The following KAZN variants were observed in gnomAD, a reference collection of about 807,000 sequenced individuals.
KAZN encodes the protein kazrin, periplakin interacting protein.
KAZN carries 40 observed loss-of-function variants against 87.4 expected under a neutral mutation model. The observed-to-expected ratio is 0.46, with a 90% CI of 0.36 to 0.60. The LOEUF (loss-of-function observed/expected upper bound fraction) is 0.60, where lower values mean the gene tolerates loss of function less well. Among genes scored for constraint, KAZN ranks in the 20% least tolerant of loss-of-function variants. The probability of loss-of-function intolerance (pLI) is 0.00; values close to 1 mark genes in which losing one functional copy is unlikely to be tolerated. For missense variants in KAZN, 898 were observed against 1,073.9 expected (o/e 0.84, Z 2.29); for synonymous variants, 466 against 458.3 (o/e 1.02, Z -0.22).
intron 1 of KAZN, among the ~76,000 whole-genome samples, chr1:14,675,046 C>T (rs1572194372): frequency 1.3e-5 from 2 of 152,190 alleles, no homozygotes; most frequent in Admixed American, 6.5e-5. Flanking sequence ...TCCCTCACTC[C>T]GAGGTGCCCT....
chr1:14,533,200 G>A (rs1672308563), intron 2 of KAZN, among the ~76,000 whole-genome samples: 1 of 152,126 alleles, frequency 6.6e-6, no homozygotes, highest in South Asian at 2.1e-4. Flanking sequence ...ATTGCCCAGA[G>A]CATTTCACAC....
At chr1:14,608,609 C>A (rs969003600) in intron 1 of KAZN, among the ~76,000 whole-genome samples, 1 of 152,050 alleles carries the variant, frequency 6.6e-6, no homozygotes, top group Non-Finnish European at 1.5e-5. Context: ...ACCTTCTCCC[C>A]CAGAGAAAGA....
chr1:14,586,272 C>T (rs545696052), intron 2 of KAZN, among the ~76,000 whole-genome samples: 1 of 152,308 alleles, frequency 6.6e-6, no homozygotes, highest in East Asian at 1.9e-4. Context: ...AGAAGTAGAG[C>T]TGGTCTGTTT....
intron 1 of KAZN, among the ~76,000 whole-genome samples, chr1:14,803,832 G>T (rs1646119619): frequency 1.3e-5 from 2 of 152,230 alleles, no homozygotes; most frequent in Non-Finnish European, 2.9e-5. Context: ...CAGGAGCCTT[G>T]GTGGCCTTCC....
intron 1 of KAZN, among the ~76,000 whole-genome samples, chr1:14,050,621 T>G (rs1642288075): frequency 6.6e-6 from 1 of 152,084 alleles, no homozygotes; most frequent in Non-Finnish European, 1.5e-5. Context: ...TCCAATCACT[T>G]CCCTCCCTCG....
Position 14,979,537 on chromosome 1 carries a change from G to A in KAZN, c.418+18662G>A, listed in dbSNP as rs567449538. Among the ~76,000 whole-genome samples the A allele has an allele frequency of 4.6e-5, 7 of 152,184 alleles. No homozygotes were observed. In the South Asian group the frequency reaches 8.3e-4, roughly 18 times the overall value. On this transcript the variant is annotated intron_variant, in intron 2 of 14. Transcript: ENST00000376030. ...GCTATGGGTCCCCCTCCCCGCCAACGCACCTGGTCTTTTTCTGGAATTCAA... is the reference window on the plus strand; with the variant it reads ...GCTATGGGTCCCCCTCCCCGCCAACACACCTGGTCTTTTTCTGGAATTCAA...
chr1:14,811,664 C>T (rs1468355240), intron 1 of KAZN, among the ~76,000 whole-genome samples: 2 of 152,162 alleles, frequency 1.3e-5, no homozygotes, highest in African/African-American at 4.8e-5. Context: ...TTCTAAAGCA[C>T]ACGTTGTTCT....
chr1:14,918,232 G>A (rs1658033883), intron 1 of KAZN, among the ~76,000 whole-genome samples: 1 of 152,294 alleles, frequency 6.6e-6, no homozygotes, highest in Non-Finnish European at 1.5e-5. Context: ...GGGCTGTCCT[G>A]TCTGAGATTA....
At chr1:15,091,363 G>T (rs1423481104) in intron 8 of KAZN, among the ~76,000 whole-genome samples, 1 of 151,804 alleles carries the variant, frequency 6.6e-6, no homozygotes, top group Non-Finnish European at 1.5e-5. Flanking sequence ...TTTTGTTTTT[G>T]CAATGGAGTC....
intron 1 of KAZN, among the ~76,000 whole-genome samples, chr1:14,957,656 G>A (rs568583371): frequency 1.2e-3 from 182 of 152,322 alleles, no homozygotes; most frequent in African/African-American, 4.0e-3. Context: ...GCTGAGACAG[G>A]CTGATGGGAA....
chr1:14,997,343 C>T (rs987235802), intron 2 of KAZN, among the ~76,000 whole-genome samples: 4 of 150,704 alleles, frequency 2.7e-5, no homozygotes, highest in Non-Finnish European at 4.4e-5. Flanking sequence ...CGGGTTCGAG[C>T]GATTCTCCTG....
At chr1:13,991,448 AAG>A (rs1337728764) in intron 1 of KAZN, among the ~76,000 whole-genome samples, 1 of 147,246 alleles carries the variant, frequency 6.8e-6, no homozygotes, top group Non-Finnish European at 1.5e-5. Flanking sequence ...ATAATAAAAA[AAG>A]GGGAAAAAAA....
In KAZN at chr1:15,094,119, T is replaced by G; in HGVS notation, c.1223-61T>G. Reference sequence around the variant, plus strand: ...CCCTCTGCCTCCCGGGGGTATGGCCTGCCCAGCCCCTGCCCCCAGCAGCCT... The same window carrying G: ...CCCTCTGCCTCCCGGGGGTATGGCCGGCCCAGCCCCTGCCCCCAGCAGCCT... On this transcript the variant is annotated intron_variant, in intron 8 of 14. Transcript: ENST00000376030. This position sits in a 1 kb window ranked among gnomAD's most constrained non-coding sequence, Gnocchi z 4.5. The G allele has an allele frequency of 6.6e-7, 1 of 1,519,676 alleles. No homozygotes were observed. Among genetic ancestry groups the G allele is most frequent in the Non-Finnish European group, 9.0e-7 (1 of 1,111,380 alleles). 94.1% of individuals were successfully genotyped at this position (1,519,676 alleles called of 1,614,324 possible).
rs1557585834 is a variant in KAZN, at chr1:14,883,308, GAAAGAA to G, written c.227-77374_227-77369del. Among the ~76,000 whole-genome samples, 289 of 48,992 alleles carry G rather than the reference GAAAGAA, an allele frequency of 5.9e-3. 23 individuals carry two copies. The highest frequency in any genetic ancestry group is 0.023 in the East Asian group (16 of 706). The allele number at this position is 48,992 out of a possible 152,430, so 32.1% of individuals were successfully genotyped here. ...GAAACTCCATCTCAAAAGAAAGAAA[GAAAGAA>G]AGAAAGAGAGAGAGAGAGAGAGAGA... On this transcript the variant is annotated intron_variant, in intron 1 of 14. Transcript: ENST00000376030.
chr1:14,432,257 A>T (rs1268581029), intron 2 of KAZN, among the ~76,000 whole-genome samples: 2 of 152,216 alleles, frequency 1.3e-5, no homozygotes, highest in African/African-American at 2.4e-5. Context: ...TATGTAGATC[A>T]TGGACCATAA....
intron 1 of KAZN, among the ~76,000 whole-genome samples, chr1:14,858,229 T>TTTTTTTTTTTG (rs1352802605): frequency 2.0e-5 from 3 of 146,532 alleles, no homozygotes; most frequent in African/African-American, 2.6e-5. Context: ...TTTTTTTTTT[T>TTTTTTTTTTTG]TGAGACAAAG....
At chr1:14,394,516 A>G (rs773994603) in intron 2 of KAZN, among the ~76,000 whole-genome samples, 2 of 152,212 alleles carry the variant, frequency 1.3e-5, no homozygotes, top group African/African-American at 2.4e-5. Flanking sequence ...TATCATTTTT[A>G]TAATCTAAAG....
At chr1:15,110,468 T>A (rs1251993939) in intron 13 of KAZN, among the ~76,000 whole-genome samples, 6 of 141,406 alleles carry the variant, frequency 4.2e-5, no homozygotes, top group African/African-American at 1.5e-4. Context: ...TGTGTGTTTG[T>A]ATGTTTGTGT....
chr1:14,080,827 A>G (rs1643647753), intron 1 of KAZN, among the ~76,000 whole-genome samples: 1 of 152,202 alleles, frequency 6.6e-6, no homozygotes, highest in Non-Finnish European at 1.5e-5. Flanking sequence ...ATTAAGAGCT[A>G]CAGTTGAAGT....
Sources: allele counts gnomAD v4.1 joint callset (sites outside exome capture counted in the v4.1 genomes callset), GRCh38; gene constraint gnomAD v4.1.1; non-coding constraint Gnocchi (gnomAD v3.1); transcripts MANE v1.5; gene names NCBI Gene and HGNC (gene_info 2026-07-23, HGNC 2026-07-21).